The following AK3 variants were observed in gnomAD, a reference collection of about 807,000 sequenced individuals.
AK3 encodes adenylate kinase 3.
AK3 carries 27 observed loss-of-function variants against 23.7 expected under a neutral mutation model. The observed-to-expected ratio is 1.14, with a 90% CI of 0.84 to 1.57. AK3 has a LOEUF of 1.57. AK3 is among the 40% of genes most tolerant of loss of function. The pLI is 0.00. For missense variants in AK3, 406 were observed against 285.6 expected (o/e 1.42, Z -3.04); for synonymous variants, 159 against 116.0 (o/e 1.37, Z -2.38).
At chr9:4,719,451 C>T (rs1240893790) in intron 2 of AK3, 144 bp from the exon 3 acceptor site, 13 of 753,590 alleles carry the variant, frequency 1.7e-5, no homozygotes, top group East Asian at 1.6e-4. Flanking sequence ...CCAGGCAGGC[C>T]GATCACAGCT....
chr9:4,736,918 C>G (rs1842307652), intron 1 of AK3, among the ~76,000 whole-genome samples: 1 of 152,116 alleles, frequency 6.6e-6, no homozygotes, highest in South Asian at 2.1e-4. Context: ...GCTCAAATGA[C>G]CCTCCAGCCT....
chr9:4,714,553 T>C (rs970070662), intron 4 of AK3, among the ~76,000 whole-genome samples: 1 of 152,208 alleles, frequency 6.6e-6, no homozygotes, highest in African/African-American at 2.4e-5. Context: ...TCTTAACTGT[T>C]GTAAGCCTCT....
At chr9:4,741,288 C>G (rs527456893), upstream of AK3, 111 of 464,076 alleles carry the variant, frequency 2.4e-4, no homozygotes, top group African/African-American at 2.8e-4. Flanking sequence ...GTCCGCCTCT[C>G]GGCTACCCCG....
chr9:4,724,573 G>A (rs543335022), intron 1 of AK3, among the ~76,000 whole-genome samples: 1 of 152,264 alleles, frequency 6.6e-6, no homozygotes, highest in Admixed American at 6.5e-5. Flanking sequence ...AAAGCCAACG[G>A]TTTGAGACCA....
chr9:4,718,368 T>C (rs772713291), intron 4 of AK3, 51 bp downstream of exon 4: 1 of 1,376,834 alleles, frequency 7.3e-7, no homozygotes, highest in South Asian at 1.2e-5. Flanking sequence ...AAATCAAAAC[T>C]AGACTTAGTG....
rs770161420 is a variant in AK3, at chr9:4,718,750, G to C, written c.445-213C>G. ...ATTTCTACAGTTATCAGTCACTTTAGCCTTAGAGTAAAAGGTTTTCTAAGC... is the reference window on the plus strand; with the variant it reads ...ATTTCTACAGTTATCAGTCACTTTACCCTTAGAGTAAAAGGTTTTCTAAGC... On this transcript the variant is annotated intron_variant, in intron 3 of 4. Coordinates refer to ENST00000381809, the MANE Select transcript of AK3 (RefSeq NM_016282.4). Among the ~76,000 whole-genome samples the C allele has an allele frequency of 3.4e-5, 5 of 149,130 alleles. No individual in the cohort carries two copies. In the South Asian group the frequency reaches 8.8e-4, roughly 26 times the overall value.
At chr9:4,726,010 A>T (rs539351240) in intron 1 of AK3, among the ~76,000 whole-genome samples, 3 of 152,302 alleles carry the variant, frequency 2.0e-5, no homozygotes, top group African/African-American at 7.2e-5. Context: ...GTGCATATAA[A>T]AGTTATATAT....
At chr9:4,722,668 T>C in intron 1 of AK3, 43 bp from the exon 2 acceptor site, 2 of 1,613,208 alleles carry the variant, frequency 1.2e-6, no homozygotes, top group South Asian at 1.1e-5. Context: ...GCATTTGTTT[T>C]ATCCCATTCC....
chr9:4,721,406 T>TAA (rs770712533), intron 2 of AK3, among the ~76,000 whole-genome samples: 4,252 of 116,992 alleles, frequency 0.036, 173 homozygotes, highest in African/African-American at 0.11. Flanking sequence ...CTGTCTCCAT[T>TAA]AAAAAAAAAA....
rs142691641 is a variant in AK3 at position 4,740,962 on chromosome 9, G to A, written c.126C>T (p.Leu42=). 1 of 1,583,250 alleles carries A rather than the reference G, an allele frequency of 6.3e-7. No homozygotes were observed. The highest frequency in any genetic ancestry group is 2.5e-5 in the East Asian group (1 of 40,720). The change falls in exon 1 of 5, where the codon CTC becomes CTT. Residue 42 remains leucine, a synonymous_variant. Coordinates refer to ENST00000381809, the MANE Select transcript of AK3 (RefSeq NM_016282.4). ...CTGTGCCCCGCAGCATGTTGTCCCG[G>A]AGCAGGTCCCCGCTGGAGAGGTGCT... The part of the protein sequence containing the change: ...ELKHLSSGDL[L]RDNMLRGTEI...
At chr9:4,730,193 A>G (rs10974754) in intron 1 of AK3, among the ~76,000 whole-genome samples, 27,299 of 152,158 alleles carry the variant, frequency 0.18, 2,935 homozygotes, top group East Asian at 0.44. Flanking sequence ...GAAATGGGTA[A>G]TGACTGCTAA....
At chr9:4,723,162 A>G (rs1207708157) in intron 1 of AK3, among the ~76,000 whole-genome samples, 1 of 152,266 alleles carries the variant, frequency 6.6e-6, no homozygotes, top group Non-Finnish European at 1.5e-5. Context: ...TATAGACAGA[A>G]AAAATATTGT....
At chr9:4,734,093 A>G (rs1183263066) in intron 1 of AK3, among the ~76,000 whole-genome samples, 2 of 152,128 alleles carry the variant, frequency 1.3e-5, no homozygotes, top group African/African-American at 4.8e-5. Flanking sequence ...GCTTTAAAGG[A>G]GGTAACTAAG....
chr9:4,735,022 G>C (rs76802046), intron 1 of AK3, among the ~76,000 whole-genome samples: 1 of 151,630 alleles, frequency 6.6e-6, no homozygotes, highest in African/African-American at 2.4e-5. Context: ...AGGAACAGAA[G>C]TGACGGCTAA....
intron 1 of AK3, among the ~76,000 whole-genome samples, chr9:4,728,494 C>T (rs1041889010): frequency 1.3e-5 from 2 of 152,176 alleles, no homozygotes; most frequent in African/African-American, 4.8e-5. Context: ...GTGCTTGAAC[C>T]TGGGAGGCGG....
At chr9:4,738,363 G>C (rs559147263) in intron 1 of AK3, among the ~76,000 whole-genome samples, 138 of 152,086 alleles carry the variant, frequency 9.1e-4, no homozygotes, top group Non-Finnish European at 5.1e-4. Context: ...ACAGGGTTTT[G>C]CCATGTTGGC....
chr9:4,735,929 A>G (rs1253707838), intron 1 of AK3, among the ~76,000 whole-genome samples: 2 of 150,644 alleles, frequency 1.3e-5, no homozygotes, highest in Non-Finnish European at 3.0e-5. Flanking sequence ...AGCCCGGCTA[A>G]CATGGTGAAA....
At chr9:4,735,812 T>G (rs1257776711) in intron 1 of AK3, among the ~76,000 whole-genome samples, 1 of 151,418 alleles carries the variant, frequency 6.6e-6, no homozygotes, top group Non-Finnish European at 1.5e-5. Context: ...AGAAAAAATA[T>G]ATTAATTTAA....
chr9:4,718,627 C>A lies in AK3; in HGVS notation c.445-90G>T, dbSNP rs1045382600. On this transcript the variant is annotated intron_variant, in intron 3 of 4. Transcript: ENST00000381809. Reference sequence around the variant, plus strand: ...TTCAATTATTTTTAAACAGACATCTCTGTGCAAGTGCCAAGCACAAAAATG... The same window carrying A: ...TTCAATTATTTTTAAACAGACATCTATGTGCAAGTGCCAAGCACAAAAATG... The A allele has an allele frequency of 2.9e-5, 29 of 1,014,362 alleles. No individual in the cohort carries two copies. In the African/African-American group the frequency reaches 3.9e-4, roughly 14 times the overall value. 62.8% of individuals were successfully genotyped at this position (1,014,362 alleles called of 1,614,324 possible). A position where few individuals can be genotyped will look rare whatever the true frequency, so the allele number is the denominator to read the frequency against.
Sources: allele counts gnomAD v4.1 joint callset (sites outside exome capture counted in the v4.1 genomes callset), GRCh38; gene constraint gnomAD v4.1.1; transcripts MANE v1.5; gene names NCBI Gene and HGNC (gene_info 2026-07-23, HGNC 2026-07-21).